Variants in ARID5B observed in about 807,000 individuals in gnomAD.
ARID5B encodes AT-rich interactive domain-containing protein 5B.
In ARID5B, 13 loss-of-function variants were observed where a neutral mutation model predicts 97.2. That is an observed-to-expected ratio of 0.13 (90% CI 0.09 to 0.21). The LOEUF is 0.21. Ranked by LOEUF, ARID5B falls within the 10% of genes least tolerant of loss-of-function variation. The pLI, the probability that ARID5B is intolerant of heterozygous loss-of-function variation, is 1.00. For synonymous variants in ARID5B, 556 were observed against 570.3 expected (o/e 0.97, Z 0.36); for missense variants, 1,210 against 1,465.3 (o/e 0.83, Z 2.84).
chr10:62,074,314 A>G (rs1400492648), intron 8 of ARID5B, among the ~76,000 whole-genome samples: 1 of 152,220 alleles, frequency 6.6e-6, no homozygotes, highest in Admixed American at 6.5e-5. Context: ...TTGCACACAT[A>G]ATGCCTAATT....
At chr10:62,008,607 C>T (rs535747419) in intron 4 of ARID5B, among the ~76,000 whole-genome samples, 4 of 152,346 alleles carry the variant, frequency 2.6e-5, no homozygotes, top group African/African-American at 9.6e-5. Flanking sequence ...GCCACCAATA[C>T]CCTTCATCTC....
At chr10:61,919,208 C>G (rs1343079835) in intron 2 of ARID5B, among the ~76,000 whole-genome samples, 2 of 152,158 alleles carry the variant, frequency 1.3e-5, no homozygotes, top group East Asian at 3.8e-4. Flanking sequence ...ATGCAACCAT[C>G]AGGAAACCTG....
At chr10:61,981,909 G>A (rs139242369) in intron 3 of ARID5B, among the ~76,000 whole-genome samples, 2 of 152,204 alleles carry the variant, frequency 1.3e-5, no homozygotes, top group Admixed American at 1.3e-4. Flanking sequence ...TGGTGGGAGA[G>A]ACTTTGGTCC....
chr10:62,003,139 C>T lies in ARID5B; in HGVS notation c.733+2818C>T, dbSNP rs550973624. Among the ~76,000 whole-genome samples the T allele has an allele frequency of 3.3e-5, 5 of 152,040 alleles. No homozygotes were observed. In the East Asian group the frequency reaches 5.8e-4, roughly 18 times the overall value. ...ACTTTTTGCTTTCTTCTATTAAATG[C>T]GATTATGGAGTAGGGGGTGGGAGGA... On this transcript the variant is annotated intron_variant, in intron 4 of 9. Transcript: ENST00000279873.
intron 2 of ARID5B, among the ~76,000 whole-genome samples, chr10:61,903,496 G>C (rs1209443106): frequency 1.3e-5 from 2 of 152,134 alleles, no homozygotes; most frequent in East Asian, 3.9e-4. Context: ...TGGGGAGTCT[G>C]TGCCCACGGC....
chr10:61,954,010 G>A (rs1213705907), intron 3 of ARID5B, among the ~76,000 whole-genome samples: 2 of 152,172 alleles, frequency 1.3e-5, no homozygotes, highest in African/African-American at 4.8e-5. Flanking sequence ...AGGGTTAAGT[G>A]AGCCATGATC....
At chr10:61,942,145 G>A (rs971979162) in intron 3 of ARID5B, among the ~76,000 whole-genome samples, 7 of 152,034 alleles carry the variant, frequency 4.6e-5, no homozygotes, top group African/African-American at 1.7e-4. Context: ...TTTATAGCAA[G>A]GTTTATGTTT....
intron 2 of ARID5B, among the ~76,000 whole-genome samples, chr10:61,920,794 A>G (rs945522824): frequency 6.6e-6 from 1 of 152,178 alleles, no homozygotes; most frequent in Admixed American, 6.5e-5. Context: ...CCAGGGTACT[A>G]TGGGGGGTGA....
At chr10:61,902,531 C>CT (rs1014874325) in intron 2 of ARID5B, 118 bp downstream of exon 2, 50 of 1,400,184 alleles carry the variant, frequency 3.6e-5, no homozygotes, top group Non-Finnish European at 4.7e-5. Context: ...GGATCGACTC[C>CT]TTTTTTAAAG....
intron 3 of ARID5B, among the ~76,000 whole-genome samples, chr10:61,969,295 A>C (rs1216824178): frequency 1.3e-5 from 2 of 152,242 alleles, no homozygotes; most frequent in Non-Finnish European, 2.9e-5. Flanking sequence ...CCTCATAGGA[A>C]TATCTTATTT....
chr10:61,964,568 T>G (rs1417156336), intron 3 of ARID5B, among the ~76,000 whole-genome samples: 1 of 152,220 alleles, frequency 6.6e-6, no homozygotes, highest in African/African-American at 2.4e-5. Context: ...AGGAATTGAA[T>G]ACTCCATTCT....
At chr10:62,066,986 C>T (rs983743846) in intron 7 of ARID5B, among the ~76,000 whole-genome samples, 6 of 151,558 alleles carry the variant, frequency 4.0e-5, no homozygotes, top group African/African-American at 7.3e-5. Flanking sequence ...AATAAATGGG[C>T]GATGTCCAAT....
intron 8 of ARID5B, among the ~76,000 whole-genome samples, chr10:62,070,996 G>GT: frequency 8.0e-6 from 1 of 124,710 alleles, no homozygotes; most frequent in East Asian, 2.5e-4. Context: ...CAGGCTACTT[G>GT]TTTTTGACTT....
chr10:62,000,328 CTT>C lies in ARID5B; in HGVS notation c.733+19_733+20del, dbSNP rs76962724. On this transcript the variant is annotated splice_region_variant and intron_variant, in intron 4 of 9. Coordinates refer to ENST00000279873, the MANE Select transcript of ARID5B (RefSeq NM_032199.3). The surrounding 1 kb of genome is among the most constrained non-coding windows in gnomAD (Gnocchi z 4.4). Reference sequence around the variant, plus strand: ...AGTATATGCGATGAGTTTGGTGAGTCTTTTTTTTTTTTTCCTACCTGATTCTT... The same window carrying C: ...AGTATATGCGATGAGTTTGGTGAGTCTTTTTTTTTTTCCTACCTGATTCTT... The C allele has an allele frequency of 1.6e-3, 2,150 of 1,319,854 alleles. No homozygotes were observed. The highest frequency in any genetic ancestry group is 2.4e-3 in the Middle Eastern group (11 of 4,680). The allele number at this position is 1,319,854 out of a possible 1,614,324, so 81.8% of individuals were successfully genotyped here.
intron 4 of ARID5B, among the ~76,000 whole-genome samples, chr10:62,002,944 C>T (rs1216977421): frequency 2.6e-5 from 4 of 152,146 alleles, no homozygotes; most frequent in African/African-American, 9.7e-5. Context: ...TTGGCCATAT[C>T]ACCAGGTGGA....
At chr10:61,903,803 A>G (rs72833334) in intron 2 of ARID5B, among the ~76,000 whole-genome samples, 42,289 of 151,390 alleles carry the variant, frequency 0.28, 6,968 homozygotes, top group Non-Finnish European at 0.37. Context: ...TCAGTGGTCT[A>G]TGCCGGTTAA....
intron 2 of ARID5B, among the ~76,000 whole-genome samples, chr10:61,936,432 A>G (rs938812378): frequency 5.9e-5 from 9 of 152,246 alleles, no homozygotes; most frequent in African/African-American, 2.2e-4. Flanking sequence ...ATCCTGGCCA[A>G]CATGGTGAAA....
chr10:62,081,512 A>T (rs1001151246), intron 8 of ARID5B, among the ~76,000 whole-genome samples: 1 of 152,214 alleles, frequency 6.6e-6, no homozygotes, highest in Non-Finnish European at 1.5e-5. Flanking sequence ...CTTCTGAGGA[A>T]GGGAGGGGAA....
At chr10:61,925,447 T>TA (rs969655412) in intron 2 of ARID5B, among the ~76,000 whole-genome samples, 161 of 149,104 alleles carry the variant, frequency 1.1e-3, no homozygotes, top group African/African-American at 2.7e-3. Flanking sequence ...TGAAAGGAGT[T>TA]AAAAAAAAAA....
Sources: allele counts gnomAD v4.1 joint callset (sites outside exome capture counted in the v4.1 genomes callset), GRCh38; gene constraint gnomAD v4.1.1; non-coding constraint Gnocchi (gnomAD v3.1); transcripts MANE v1.5; gene names NCBI Gene and HGNC (gene_info 2026-07-23, HGNC 2026-07-21).